The following SORCS2 variants were observed in gnomAD, a reference collection of about 807,000 sequenced individuals.
SORCS2 encodes the protein sortilin related VPS10 domain containing receptor 2, also known as VPS10 domain-containing receptor SorCS2.
In SORCS2, 100 loss-of-function variants were observed where a neutral mutation model predicts 141.6. That is an observed-to-expected ratio of 0.71 (90% CI 0.60 to 0.83). The LOEUF (loss-of-function observed/expected upper bound fraction) is 0.83, where lower values mean the gene tolerates loss of function less well. SORCS2 is among the 40% of genes least tolerant of loss of function. The pLI is 0.00. For missense variants in SORCS2, 1,646 were observed against 1,560.2 expected, an observed-to-expected ratio of 1.05 and a Z score of -0.93; for synonymous variants, 789 against 676.9, an observed-to-expected ratio of 1.17 and a Z score of -2.57.
At chr4:7,738,591 G>A (rs765120550) in intron 26 of SORCS2, among the ~76,000 whole-genome samples, 2 of 152,136 alleles carry the variant, frequency 1.3e-5, no homozygotes, top group Non-Finnish European at 2.9e-5. Context: ...AGCAGAGAAC[G>A]GCACACAGGA....
At chr4:7,654,674 T>C (rs1225627297) in intron 5 of SORCS2, among the ~76,000 whole-genome samples, 1 of 152,136 alleles carries the variant, frequency 6.6e-6, no homozygotes, top group Non-Finnish European at 1.5e-5. Context: ...CCGGCCTGCC[T>C]CAGCCCTGCT....
chr4:7,574,120 A>G (rs933920928), intron 3 of SORCS2, among the ~76,000 whole-genome samples: 3 of 152,214 alleles, frequency 2.0e-5, no homozygotes, highest in Non-Finnish European at 4.4e-5. Context: ...CCTTATTTGT[A>G]TGTTTCCTTG....
At chr4:7,611,816 G>C (rs1157664937) in intron 3 of SORCS2, among the ~76,000 whole-genome samples, 1 of 152,254 alleles carries the variant, frequency 6.6e-6, no homozygotes, top group African/African-American at 2.4e-5. Context: ...CTTACACATT[G>C]TCAGGGGCTG....
rs1456116815 is a variant in SORCS2, at chr4:7,672,499, T to G, written c.1162-3551T>G. Among the ~76,000 whole-genome samples the G allele has an allele frequency of 3.9e-5, 6 of 152,330 alleles. No individual in the cohort carries two copies. The East Asian group carries it at 1.2e-3, about 29-fold the overall frequency. On this transcript the variant is annotated intron_variant, in intron 8 of 26. Transcript: ENST00000507866. ...ATGTCTATTAAAAATGTTTTTAAAC[T>G]TTTCCAAAATTACTCATTTAAAATG... is the stretch of plus-strand genomic sequence containing the variant.
chr4:7,642,472 T>A (rs1244761823), intron 4 of SORCS2, among the ~76,000 whole-genome samples: 1 of 152,224 alleles, frequency 6.6e-6, no homozygotes, highest in Admixed American at 6.5e-5. Context: ...AAAGGCTTAG[T>A]TGCAGTTGTA....
At chr4:7,634,634 G>T (rs1201073092) in intron 3 of SORCS2, among the ~76,000 whole-genome samples, 1 of 152,194 alleles carries the variant, frequency 6.6e-6, no homozygotes, top group Non-Finnish European at 1.5e-5. Flanking sequence ...CATAGATGTG[G>T]CTCTTCCATC....
At chr4:7,481,257 A>C (rs2109369726) in intron 2 of SORCS2, among the ~76,000 whole-genome samples, 1 of 152,356 alleles carries the variant, frequency 6.6e-6, no homozygotes, top group Middle Eastern at 3.4e-3. Context: ...CTCTTACAGA[A>C]TGAATAGTCC....
intron 1 of SORCS2, among the ~76,000 whole-genome samples, chr4:7,267,008 A>G (rs958621134): frequency 7.2e-5 from 11 of 152,124 alleles, no homozygotes; most frequent in Non-Finnish European, 1.6e-4. Flanking sequence ...GGCCACAGAG[A>G]GGGAAGGAAG....
At chr4:7,241,994 G>A (rs1229298385) in intron 1 of SORCS2, among the ~76,000 whole-genome samples, 2 of 152,278 alleles carry the variant, frequency 1.3e-5, no homozygotes, top group East Asian at 3.9e-4. Flanking sequence ...ACTGTTGGGG[G>A]TACCGGGCAG....
chr4:7,513,145 C>A (rs938411515), intron 2 of SORCS2, among the ~76,000 whole-genome samples: 2 of 152,212 alleles, frequency 1.3e-5, no homozygotes, highest in African/African-American at 4.8e-5. Flanking sequence ...CAAGTCCTTT[C>A]GCCTCTCTGA....
intron 5 of SORCS2, among the ~76,000 whole-genome samples, chr4:7,655,202 TACACACACAC>T (rs144046004): frequency 1.3e-5 from 2 of 148,876 alleles, no homozygotes; most frequent in Non-Finnish European, 1.5e-5. Context: ...CTTGTGCGTG[TACACACACAC>T]ACACACACAC....
intron 3 of SORCS2, among the ~76,000 whole-genome samples, chr4:7,573,391 G>A (rs999681804): frequency 4.6e-5 from 7 of 152,172 alleles, no homozygotes; most frequent in Admixed American, 2.0e-4. Flanking sequence ...GCAGGTAGAC[G>A]GTGCCAATGT....
intron 3 of SORCS2, among the ~76,000 whole-genome samples, chr4:7,558,734 G>A (rs868108310): frequency 7.9e-5 from 12 of 152,180 alleles, no homozygotes; most frequent in South Asian, 2.1e-4. Flanking sequence ...ACCCCAGGGG[G>A]CTTTTGGTCT....
intron 1 of SORCS2, among the ~76,000 whole-genome samples, chr4:7,225,999 C>A (rs1427899624): frequency 6.6e-6 from 1 of 152,202 alleles, no homozygotes; most frequent in Non-Finnish European, 1.5e-5. Context: ...CTGTCTCTCA[C>A]TGAGAGCAAT....
At chr4:7,428,543 G>A (rs1166850528) in intron 2 of SORCS2, among the ~76,000 whole-genome samples, 1 of 152,206 alleles carries the variant, frequency 6.6e-6, no homozygotes, top group East Asian at 1.9e-4. Flanking sequence ...CAAGTGTGGA[G>A]TGGTGGTGGG....
At chr4:7,534,640 G>A (rs1711958761) in intron 3 of SORCS2, among the ~76,000 whole-genome samples, 1 of 152,248 alleles carries the variant, frequency 6.6e-6, no homozygotes, top group Non-Finnish European at 1.5e-5. Flanking sequence ...GGCCAGGCCT[G>A]CAGGGGGAGC....
intron 2 of SORCS2, among the ~76,000 whole-genome samples, chr4:7,449,481 A>G (rs899642395): frequency 1.4e-5 from 2 of 143,108 alleles, no homozygotes; most frequent in African/African-American, 5.2e-5. Context: ...GAATTTGGGC[A>G]AGTTACCACG....
At chr4:7,438,129 G>A (rs538529556) in intron 2 of SORCS2, among the ~76,000 whole-genome samples, 178 of 152,350 alleles carry the variant, frequency 1.2e-3, no homozygotes, top group Middle Eastern at 0.01. Flanking sequence ...GCTGCCCCAT[G>A]TGGCATTGAT....
At chr4:7,548,304 G>C (rs1713425188) in intron 3 of SORCS2, among the ~76,000 whole-genome samples, 1 of 152,120 alleles carries the variant, frequency 6.6e-6, no homozygotes, top group Non-Finnish European at 1.5e-5. Context: ...GCTAATCCTT[G>C]GCCTCGTGGG....
Sources: gnomAD v4.1 joint callset for allele counts (sites outside exome capture counted in the v4.1 genomes callset) on GRCh38, gnomAD v4.1.1 for gene constraint, MANE v1.5 for transcripts, NCBI Gene and HGNC (gene_info 2026-07-23, HGNC 2026-07-21) for gene names.